CADM2: variants seen among roughly 807,000 people sequenced by gnomAD.
The protein encoded by CADM2 is immunoglobulin superfamily member 4D.
Under a neutral mutation model 49.8 loss-of-function variants are expected in CADM2, and 12 were observed. The ratio of observed to expected loss-of-function variants is 0.24; its 90% CI spans 0.15 to 0.39. The LOEUF (loss-of-function observed/expected upper bound fraction) is 0.39. Among genes scored for constraint, CADM2 ranks in the 10% least tolerant of loss-of-function variants. The probability of loss-of-function intolerance (pLI) is 1.00; values close to 1 mark genes in which losing one functional copy is unlikely to be tolerated. For synonymous variants in CADM2, 214 were observed against 175.4 expected (o/e 1.22, Z -1.74); for missense variants, 378 against 492.3 (o/e 0.77, Z 2.20).
intron 2 of CADM2, among the ~76,000 whole-genome samples, chr3:85,753,429 C>G (rs907193308): frequency 6.6e-6 from 1 of 152,050 alleles, no homozygotes; most frequent in Non-Finnish European, 1.5e-5. Context: ...TAGGCAGACA[C>G]CAGAACCCTG....
intron 1 of CADM2, among the ~76,000 whole-genome samples, chr3:85,162,575 T>A (rs1346875846): frequency 2.0e-5 from 3 of 152,062 alleles, no homozygotes; most frequent in Admixed American, 6.6e-5. Context: ...TTAAAAAAAA[T>A]AATATATGGT....
chr3:85,855,330 C>T (rs1371541452), intron 3 of CADM2, among the ~76,000 whole-genome samples: 2 of 151,956 alleles, frequency 1.3e-5, no homozygotes, highest in Non-Finnish European at 2.9e-5. Flanking sequence ...ATGCACTGCC[C>T]TTCAGAGGAG....
chr3:85,815,774 G>C (rs981121944), intron 3 of CADM2, among the ~76,000 whole-genome samples: 3 of 152,034 alleles, frequency 2.0e-5, no homozygotes, highest in Admixed American at 1.3e-4. Flanking sequence ...AGACATAAAG[G>C]GTATTCAGTT....
chr3:85,262,731 C>A (rs75591144), intron 1 of CADM2, among the ~76,000 whole-genome samples: 5,373 of 152,128 alleles, frequency 0.035, 121 homozygotes, highest in Middle Eastern at 0.055. Context: ...ATCCAGGAAA[C>A]TTTCCAATAC....
At chr3:85,850,485 C>T (rs914801767) in intron 3 of CADM2, among the ~76,000 whole-genome samples, 1 of 151,902 alleles carries the variant, frequency 6.6e-6, no homozygotes, top group Non-Finnish European at 1.5e-5. Flanking sequence ...CCACCACGCT[C>T]GGATAATTTT....
At chr3:85,805,066 G>C (rs1036616853) in intron 3 of CADM2, among the ~76,000 whole-genome samples, 1 of 151,968 alleles carries the variant, frequency 6.6e-6, no homozygotes, top group African/African-American at 2.4e-5. Context: ...TCAGCCTCCT[G>C]ATTAGCTGGG....
chr3:85,818,374 G>A (rs545926479), intron 3 of CADM2, among the ~76,000 whole-genome samples: 16 of 152,230 alleles, frequency 1.1e-4, no homozygotes, highest in Admixed American at 5.2e-4. Context: ...GAGTCTGTGC[G>A]ACAAACAGCA....
At chr3:85,249,798 A>G (rs2042733182) in intron 1 of CADM2, among the ~76,000 whole-genome samples, 1 of 151,926 alleles carries the variant, frequency 6.6e-6, no homozygotes. Context: ...AGAGATTTAC[A>G]AAGAGATAAT....
chr3:85,977,872 C>G (rs1726983935), intron 8 of CADM2, among the ~76,000 whole-genome samples: 1 of 151,566 alleles, frequency 6.6e-6, no homozygotes, highest in African/African-American at 2.4e-5. Flanking sequence ...AGAGAGCGAT[C>G]TCATGCTGTT....
chr3:85,159,933 T>G (rs2040262360), intron 1 of CADM2, among the ~76,000 whole-genome samples: 2 of 152,204 alleles, frequency 1.3e-5, no homozygotes, highest in African/African-American at 4.8e-5. Context: ...GGCAAATTCC[T>G]TTTCAGAAAG....
chr3:85,351,181 C>T (rs991661667), intron 1 of CADM2, among the ~76,000 whole-genome samples: 3 of 151,876 alleles, frequency 2.0e-5, no homozygotes, highest in African/African-American at 7.3e-5. Context: ...TAAAATATTT[C>T]TAAATTTGGC....
intron 3 of CADM2, among the ~76,000 whole-genome samples, chr3:85,839,037 C>T (rs1026062862): frequency 6.6e-6 from 1 of 151,738 alleles, no homozygotes; most frequent in African/African-American, 2.4e-5. Flanking sequence ...TGTCAAGCCC[C>T]TCTCTTTAAC....
intron 1 of CADM2, among the ~76,000 whole-genome samples, chr3:85,196,220 A>G (rs202244768): frequency 6.6e-6 from 1 of 152,146 alleles, no homozygotes; most frequent in East Asian, 1.9e-4. Context: ...ACATGTTATT[A>G]TTAATCATAA....
chr3:85,899,672 C>T (rs1255036490), intron 5 of CADM2, among the ~76,000 whole-genome samples: 1 of 152,044 alleles, frequency 6.6e-6, no homozygotes, highest in African/African-American at 2.4e-5. Flanking sequence ...TTAAGTGAGA[C>T]CAGAACAGTA....
chr3:85,210,351 A>C (rs932645589), intron 1 of CADM2, among the ~76,000 whole-genome samples: 1 of 152,034 alleles, frequency 6.6e-6, no homozygotes, highest in Non-Finnish European at 1.5e-5. Context: ...ATATCTTTTT[A>C]CTGGTTTGTT....
At chr3:85,071,023 C>T (rs7628812) in intron 1 of CADM2, among the ~76,000 whole-genome samples, 1,227 of 84,204 alleles carry the variant, frequency 0.015, 6 homozygotes, top group Middle Eastern at 0.048. Flanking sequence ...AATAAATAAA[C>T]AAATAAATAA....
At chr3:85,205,017 A>AT (rs2041597439) in intron 1 of CADM2, among the ~76,000 whole-genome samples, 2 of 150,134 alleles carry the variant, frequency 1.3e-5, no homozygotes, top group African/African-American at 4.9e-5. Flanking sequence ...TACTTTACTT[A>AT]ATTTTTTTTT....
intron 1 of CADM2, among the ~76,000 whole-genome samples, chr3:85,189,249 A>T (rs915643909): frequency 6.6e-6 from 1 of 152,014 alleles, no homozygotes; most frequent in Admixed American, 6.6e-5. Context: ...GTGATTTGAA[A>T]GGAAGATGTT....
chr3:85,017,003 A>G (rs146470612), intron 1 of CADM2, among the ~76,000 whole-genome samples: 1 of 152,270 alleles, frequency 6.6e-6, no homozygotes, highest in African/African-American at 2.4e-5. Flanking sequence ...CCCACCAAAG[A>G]GTGAGTTGGA....
Sources: allele counts gnomAD v4.1 joint callset (sites outside exome capture counted in the v4.1 genomes callset), GRCh38; gene constraint gnomAD v4.1.1; transcripts MANE v1.5; gene names NCBI Gene and HGNC (gene_info 2026-07-23, HGNC 2026-07-21).